The following LRRC8C variants were observed in gnomAD, a reference collection of about 807,000 sequenced individuals.
LRRC8C encodes the protein leucine rich repeat containing 8 VRAC subunit C, also known as volume-regulated anion channel subunit LRRC8C.
Under a neutral mutation model 55.3 loss-of-function variants are expected in LRRC8C, and 20 were observed. The ratio of observed to expected loss-of-function variants is 0.36; its 90% confidence interval spans 0.25 to 0.53. LRRC8C has a LOEUF of 0.53. Ranked by LOEUF, LRRC8C falls within the 20% of genes least tolerant of loss-of-function variation. The pLI is 0.92. For missense variants in LRRC8C, 659 were observed against 951.4 expected (o/e 0.69, Z 4.04); for synonymous variants, 376 against 360.7 (o/e 1.04, Z -0.48).
intron 2 of LRRC8C, among the ~76,000 whole-genome samples, chr1:89,698,731 T>C (rs1372511192): frequency 1.3e-5 from 2 of 150,282 alleles, no homozygotes; most frequent in Non-Finnish European, 2.9e-5. Context: ...TGTGCCAAGG[T>C]ATGATTTTTT....
rs1220709935 is a variant in LRRC8C at position 89,717,369 on chromosome 1, A to G, written c.*2387A>G. On this transcript the variant is annotated 3_prime_UTR_variant, in exon 3 of 3. Transcript: ENST00000370454. ...TTATCTGGTGTTAACTAAAAATCTC[A>G]TATGGGTTCATAACCGAGGTCACTA... 1 of 152,158 alleles carries G rather than the reference A, an allele frequency of 6.6e-6. No individual in the cohort carries two copies. The highest frequency in any genetic ancestry group is 2.4e-5 in the African/African-American group (1 of 41,440). 9.4% of individuals were successfully genotyped at this position (152,158 alleles called of 1,614,324 possible). A position where few individuals can be genotyped will look rare whatever the true frequency, so the allele number is the denominator to read the frequency against.
At chr1:89,656,151 A>G (rs912687857) in intron 1 of LRRC8C, among the ~76,000 whole-genome samples, 10 of 152,248 alleles carry the variant, frequency 6.6e-5, no homozygotes, top group African/African-American at 1.4e-4. Context: ...TGAAGATTGT[A>G]TAACTCACCT....
At chr1:89,684,241 A>G (rs985535428) in intron 1 of LRRC8C, among the ~76,000 whole-genome samples, 2 of 152,196 alleles carry the variant, frequency 1.3e-5, no homozygotes, top group Admixed American at 1.3e-4. Flanking sequence ...GGTGCATTTT[A>G]TTTCTGAAAT....
chr1:89,640,072 T>C (rs1191280605), intron 1 of LRRC8C, among the ~76,000 whole-genome samples: 1 of 152,208 alleles, frequency 6.6e-6, no homozygotes, highest in Non-Finnish European at 1.5e-5. Flanking sequence ...CCTTATGTAT[T>C]TTTCTTTTTT....
intron 1 of LRRC8C, among the ~76,000 whole-genome samples, chr1:89,642,924 A>G (rs1170498317): frequency 2.6e-5 from 4 of 151,006 alleles, no homozygotes; most frequent in Admixed American, 2.0e-4. Context: ...AGGCTGAGAC[A>G]TGAAAATCAC....
chr1:89,701,243 G>A (rs1265353640), intron 2 of LRRC8C, among the ~76,000 whole-genome samples: 2 of 152,180 alleles, frequency 1.3e-5, no homozygotes, highest in Non-Finnish European at 2.9e-5. Flanking sequence ...TTGGGAGGCC[G>A]AGGCAGGCGG....
intron 1 of LRRC8C, among the ~76,000 whole-genome samples, chr1:89,634,884 G>A (rs781738798): frequency 2.6e-5 from 4 of 152,120 alleles, no homozygotes; most frequent in Non-Finnish European, 5.9e-5. Context: ...CTTTGAGGGG[G>A]ATGTAGGGCA....
At chr1:89,658,995 C>A (rs1489605896) in intron 1 of LRRC8C, among the ~76,000 whole-genome samples, 2 of 149,144 alleles carry the variant, frequency 1.3e-5, no homozygotes, top group East Asian at 3.9e-4. Context: ...TTAAAAGTGT[C>A]TCTGATATTA....
intron 1 of LRRC8C, among the ~76,000 whole-genome samples, chr1:89,644,692 A>G (rs1056628075): frequency 6.6e-6 from 1 of 152,132 alleles, no homozygotes; most frequent in African/African-American, 2.4e-5. Context: ...GGGAAATCCT[A>G]GGGGGAAAAA....
intron 2 of LRRC8C, among the ~76,000 whole-genome samples, chr1:89,708,082 T>C (rs1890504): frequency 0.33 from 49,474 of 151,816 alleles, 8,945 homozygotes; most frequent in South Asian, 0.45. Context: ...TTGATTTTTT[T>C]CTTCACTTCT....
Position 89,716,111 on chromosome 1 carries a change from T to TTA in LRRC8C, c.*1131_*1132dup, listed in dbSNP as rs1275136632. 6.6e-6 allele frequency: 1 copy of TTA among 152,256 alleles called. No homozygotes were observed. Among genetic ancestry groups the TTA allele is most frequent in the African/African-American group, 2.4e-5 (1 of 41,460 alleles). The allele number at this position is 152,256 out of a possible 1,614,324, so 9.4% of individuals were successfully genotyped here. The stretch of plus-strand genomic sequence containing the variant: ...ATATGTACAGACTTTTTCCTTGTCA[T>TTA]TATTCCCTAAACAATACAGCGTAAC... On this transcript the variant is annotated 3_prime_UTR_variant, in exon 3 of 3. Coordinates refer to ENST00000370454, the MANE Select transcript of LRRC8C (RefSeq NM_032270.5).
At chr1:89,659,849 G>A (rs150467478) in intron 1 of LRRC8C, among the ~76,000 whole-genome samples, 32 of 152,268 alleles carry the variant, frequency 2.1e-4, no homozygotes, top group Admixed American at 1.4e-3. Context: ...GTCAGGGGCT[G>A]GGCATGCCAA....
the LRRC8C span, among the ~76,000 whole-genome samples, chr1:89,617,221 T>G: frequency 2.6e-5 from 4 of 152,184 alleles, no homozygotes; most frequent in African/African-American, 7.2e-5. Flanking sequence ...AGGCTTGGGT[T>G]TTTTTGCCTA....
intron 2 of LRRC8C, among the ~76,000 whole-genome samples, chr1:89,707,864 C>T (rs932413936): frequency 5.3e-5 from 8 of 152,014 alleles, no homozygotes; most frequent in African/African-American, 1.7e-4. Context: ...GTAAAGTAGG[C>T]AGTTTAGCTG....
Position 89,716,818 on chromosome 1 carries a change from G to A in LRRC8C, c.*1836G>A, listed in dbSNP as rs1025732870. 2 of 152,138 alleles carry A rather than the reference G, an allele frequency of 1.3e-5. No individual in the cohort carries two copies. Among genetic ancestry groups the A allele is most frequent in the Non-Finnish European group, 2.9e-5 (2 of 68,020 alleles). 9.4% of individuals were successfully genotyped at this position (152,138 alleles called of 1,614,324 possible). A position where few individuals can be genotyped will look rare whatever the true frequency, so the allele number is the denominator to read the frequency against. On this transcript the variant is annotated 3_prime_UTR_variant, in exon 3 of 3. Transcript: ENST00000370454. ...AATTTACTCAGTGCTGCTTTGAGTT[G>A]TATACAGAAACAAATGTTGGGAATT... is the stretch of plus-strand genomic sequence containing the variant.
intron 2 of LRRC8C, among the ~76,000 whole-genome samples, chr1:89,711,474 C>A (rs1226057877): frequency 2.0e-5 from 3 of 152,206 alleles, no homozygotes; most frequent in Non-Finnish European, 2.9e-5. Flanking sequence ...TTTTAAGGTA[C>A]AAATAGACTT....
chr1:89,640,084 A>G, intron 1 of LRRC8C, among the ~76,000 whole-genome samples: 1 of 152,196 alleles, frequency 6.6e-6, no homozygotes, highest in Admixed American at 6.5e-5. Context: ...TTCTTTTTTG[A>G]GATGGAATCT....
upstream of LRRC8C, among the ~76,000 whole-genome samples, chr1:89,629,013 T>C (rs976240297): frequency 2.6e-5 from 4 of 152,166 alleles, no homozygotes; most frequent in Non-Finnish European, 5.9e-5. Flanking sequence ...TTAGCCCCAA[T>C]AGACCACCAT....
chr1:89,688,230 TG>T (rs1212283932), intron 2 of LRRC8C, among the ~76,000 whole-genome samples: 1 of 150,766 alleles, frequency 6.6e-6, no homozygotes, highest in East Asian at 1.9e-4. Context: ...GAGAAGTTAT[TG>T]TCTAAAAAAA....
Sources: gnomAD v4.1 joint callset for allele counts (sites outside exome capture counted in the v4.1 genomes callset) on GRCh38, gnomAD v4.1.1 for gene constraint, MANE v1.5 for transcripts, NCBI Gene and HGNC (gene_info 2026-07-23, HGNC 2026-07-21) for gene names.